Variants in RAI14 observed in about 807,000 individuals in gnomAD.
RAI14 encodes retinoic acid induced 14.
In RAI14, 45 loss-of-function variants were observed where a neutral mutation model predicts 115.4. The observed-to-expected ratio is 0.39, with a 90% CI of 0.31 to 0.50. RAI14 has a LOEUF of 0.50. Among genes scored for constraint, RAI14 ranks in the 20% least tolerant of loss-of-function variants. The pLI is 0.85. For missense variants in RAI14, 939 were observed against 1,131.2 expected, an observed-to-expected ratio of 0.83 and a Z score of 2.44; for synonymous variants, 371 against 415.4, an observed-to-expected ratio of 0.89 and a Z score of 1.30.
chr5:34,671,878 G>A (rs1198116475), intron 1 of RAI14, among the ~76,000 whole-genome samples: 1 of 151,922 alleles, frequency 6.6e-6, no homozygotes, highest in Non-Finnish European at 1.5e-5. Flanking sequence ...TAAATAATAT[G>A]TCTTCTTATA....
chr5:34,688,247 A>G, intron 2 of RAI14: 1 of 1,549,442 alleles, frequency 6.5e-7, no homozygotes, highest in Non-Finnish European at 8.7e-7. Context: ...AAGGAGAAAA[A>G]GGCAATTAAA....
At chr5:34,778,600 C>T (rs1751196849) in intron 3 of RAI14, among the ~76,000 whole-genome samples, 1 of 152,078 alleles carries the variant, frequency 6.6e-6, no homozygotes, top group South Asian at 2.1e-4. Context: ...ATCTCCACAG[C>T]TCCACTGCAT....
rs1341471208 is a variant in RAI14 at position 34,816,954 on chromosome 5, A to G, written c.940-1843A>G. The stretch of plus-strand genomic sequence containing the variant: ...AAGATAAAAAGTGACATTTATTCCT[A>G]CGTTAGCTTAGGGAGGAGACAAAAG... On this transcript the variant is annotated intron_variant, in intron 12 of 17. Coordinates refer to ENST00000265109, the MANE Select transcript of RAI14 (RefSeq NM_015577.3). Among the ~76,000 whole-genome samples, 6 of 152,246 alleles carry G rather than the reference A, an allele frequency of 3.9e-5. No homozygotes were observed. In the South Asian group the frequency reaches 8.3e-4, roughly 21 times the overall value.
chr5:34,785,078 G>A (rs569191711), intron 3 of RAI14, among the ~76,000 whole-genome samples: 27 of 152,258 alleles, frequency 1.8e-4, no homozygotes, highest in African/African-American at 5.8e-4. Flanking sequence ...AAAGACTGGA[G>A]AATTTCAGGG....
intron 5 of RAI14, among the ~76,000 whole-genome samples, chr5:34,805,329 G>A (rs1754739462): frequency 6.6e-6 from 1 of 152,008 alleles, no homozygotes; most frequent in African/African-American, 2.4e-5. Context: ...TTCACCTCTT[G>A]TCTCAGTAGC....
intron 3 of RAI14, among the ~76,000 whole-genome samples, chr5:34,762,422 G>A (rs1020662299): frequency 6.6e-6 from 1 of 152,088 alleles, no homozygotes; most frequent in African/African-American, 2.4e-5. Context: ...CCAGATGGGT[G>A]GTTGGGTAAT....
intron 1 of RAI14, among the ~76,000 whole-genome samples, chr5:34,684,075 C>T (rs1744609457): frequency 6.9e-6 from 1 of 145,118 alleles, no homozygotes; most frequent in South Asian, 2.1e-4. Context: ...CCTGGCCCAG[C>T]CAGCGACAGT....
In RAI14 at chr5:34,757,410, G is replaced by A. The variant is rs1055967532; in HGVS notation, c.37-58G>A. On this transcript the variant is annotated intron_variant, in intron 2 of 17. Coordinates refer to ENST00000265109, the MANE Select transcript of RAI14 (RefSeq NM_015577.3). ...GGCTGCGAGGACTGCAGCCCTGCTG[G>A]TCAGTGCGGCTGTGGCCAGTGTTGT... The A allele has an allele frequency of 1.9e-6, 3 of 1,592,472 alleles. No individual in the cohort carries two copies. The African/African-American group carries it at 4.1e-5, about 22-fold the overall frequency.
At chr5:34,818,992 C>A in intron 13 of RAI14, 141 bp downstream of exon 13, 1 of 687,386 alleles carries the variant, frequency 1.5e-6, no homozygotes, top group Non-Finnish European at 2.5e-6. Context: ...CAGTAATGCA[C>A]AAGCTGAAGC....
intron 16 of RAI14, among the ~76,000 whole-genome samples, chr5:34,828,102 T>C (rs187066273): frequency 2.4e-3 from 372 of 152,270 alleles, no homozygotes; most frequent in Non-Finnish European, 4.3e-3. Context: ...TGGACCGCAG[T>C]AGACTGGCTG....
intron 3 of RAI14, among the ~76,000 whole-genome samples, chr5:34,761,520 A>G (rs995795324): frequency 1.3e-5 from 2 of 152,122 alleles, no homozygotes; most frequent in Non-Finnish European, 2.9e-5. Flanking sequence ...TTGCGCTGGA[A>G]TCTACAGTTG....
chr5:34,698,266 A>G (rs576945424), intron 2 of RAI14, among the ~76,000 whole-genome samples: 13 of 146,524 alleles, frequency 8.9e-5, no homozygotes, highest in African/African-American at 1.5e-4. Context: ...GGCTGAGGCC[A>G]GCACTTCCCT....
intron 15 of RAI14, among the ~76,000 whole-genome samples, chr5:34,824,946 CAAAAAAAAAAAA>C (rs1174399473): frequency 3.0e-5 from 2 of 66,566 alleles, no homozygotes; most frequent in Admixed American, 3.7e-4. Flanking sequence ...GACTTCATCT[CAAAAAAAAAAAA>C]AAAAAAAAAA....
At chr5:34,692,250 G>A (rs1026484403) in intron 2 of RAI14, among the ~76,000 whole-genome samples, 13 of 145,612 alleles carry the variant, frequency 8.9e-5, no homozygotes, top group Non-Finnish European at 1.7e-4. Flanking sequence ...GCGACAGAGC[G>A]AAACTCCGTC....
intron 1 of RAI14, among the ~76,000 whole-genome samples, chr5:34,658,461 T>A (rs1742448422): frequency 6.6e-6 from 1 of 151,690 alleles, no homozygotes; most frequent in Admixed American, 6.6e-5. Flanking sequence ...CTCCACCCCC[T>A]CCCTCCCTTC....
At chr5:34,805,613 G>C (rs1754785045) in intron 5 of RAI14, among the ~76,000 whole-genome samples, 1 of 152,206 alleles carries the variant, frequency 6.6e-6, no homozygotes, top group African/African-American at 2.4e-5. Context: ...GCTGAGGCGG[G>C]TGGATCACCT....
chr5:34,760,828 A>T (rs1313617479), intron 3 of RAI14, among the ~76,000 whole-genome samples: 1 of 152,212 alleles, frequency 6.6e-6, no homozygotes, highest in Non-Finnish European at 1.5e-5. Flanking sequence ...AACCATTGTC[A>T]CTTTCTAGTT....
At position 34,757,503 on chromosome 5, in the gene RAI14, G is replaced by A; in HGVS notation, c.72G>A (p.Leu24=). The change falls in exon 3 of 18, where the codon CTG becomes CTA. Residue 24 remains leucine, a synonymous_variant. Coordinates refer to ENST00000265109, the MANE Select transcript of RAI14 (RefSeq NM_015577.3). ...NEWNKNDDRL[L]QAVENGDAEK... ...GGAACAAGAATGATGACCGGCTACT[G>A]CAGGCCGTGGAGAATGGAGATGCGG... 3.7e-6 allele frequency: 6 copies of A among 1,613,878 alleles called. No individual in the cohort carries two copies. Among genetic ancestry groups the A allele is most frequent in the East Asian group, 2.2e-5 (1 of 44,878 alleles).
intron 3 of RAI14, among the ~76,000 whole-genome samples, chr5:34,762,929 ATGTGTG>A (rs34495404): frequency 0.027 from 3,476 of 129,076 alleles, 46 homozygotes; most frequent in South Asian, 0.04. Flanking sequence ...GAGTGTGTGC[ATGTGTG>A]TGTGTGTGTG....
Sources: gnomAD v4.1 joint callset for allele counts (sites outside exome capture counted in the v4.1 genomes callset) on GRCh38, gnomAD v4.1.1 for gene constraint, MANE v1.5 for transcripts, NCBI Gene and HGNC (gene_info 2026-07-23, HGNC 2026-07-21) for gene names.